Variants in DLG2 observed in about 807,000 individuals in gnomAD.
DLG2 encodes the protein discs large MAGUK scaffold protein 2.
Under a neutral mutation model 132.5 loss-of-function variants are expected in DLG2, and 45 were observed. The ratio of observed to expected loss-of-function variants is 0.34; its 90% confidence interval spans 0.27 to 0.44. DLG2 has a LOEUF of 0.44. DLG2 is among the 20% of genes least tolerant of loss of function. The pLI is 1.00. For synonymous variants in DLG2, 424 were observed against 419.6 expected, an observed-to-expected ratio of 1.01 and a Z score of -0.13; for missense variants, 1,045 against 1,196.9, an observed-to-expected ratio of 0.87 and a Z score of 1.87.
intron 19 of DLG2, among the ~76,000 whole-genome samples, chr11:83,594,708 G>A (rs1432635749): frequency 6.6e-6 from 1 of 152,112 alleles, no homozygotes; most frequent in Non-Finnish European, 1.5e-5. Flanking sequence ...GGTGGCTTTG[G>A]GTTGCTTCTA....
chr11:85,380,652 C>A (rs1411652941), intron 3 of DLG2, among the ~76,000 whole-genome samples: 1 of 152,148 alleles, frequency 6.6e-6, no homozygotes, highest in Non-Finnish European at 1.5e-5. Flanking sequence ...AAGAGTGAAA[C>A]TCCATCTCAA....
At chr11:84,859,018 G>T (rs755968720) in intron 6 of DLG2, among the ~76,000 whole-genome samples, 3 of 151,664 alleles carry the variant, frequency 2.0e-5, no homozygotes, top group African/African-American at 4.8e-5. Flanking sequence ...CTTTTTATAC[G>T]CTTCATCTTT....
At chr11:85,239,408 T>C (rs1018467904) in intron 4 of DLG2, among the ~76,000 whole-genome samples, 3 of 152,148 alleles carry the variant, frequency 2.0e-5, no homozygotes, top group Admixed American at 1.3e-4. Context: ...TTTATAGTAG[T>C]AAATGTTAAA....
intron 3 of DLG2, chr11:85,469,810 A>C (rs1348265525): frequency 6.6e-6 from 1 of 152,220 alleles, no homozygotes; most frequent in Non-Finnish European, 1.5e-5. Context: ...GTTGAAGGGA[A>C]TCAGTATTGA....
intron 3 of DLG2, among the ~76,000 whole-genome samples, chr11:85,465,360 T>C (rs968692828): frequency 2.0e-5 from 3 of 151,950 alleles, no homozygotes; most frequent in African/African-American, 7.3e-5. Flanking sequence ...AATGTGCACG[T>C]TTGTTACATA....
chr11:83,601,749 C>T lies in DLG2; in HGVS notation c.1940+31462G>A, dbSNP rs189968097. Among the ~76,000 whole-genome samples the T allele has an allele frequency of 2.6e-5, 4 of 151,868 alleles. No homozygotes were observed. In the East Asian group the frequency reaches 7.8e-4, roughly 29 times the overall value. Reference sequence around the variant, plus strand: ...TTCAGCCTGGGCTGATCTCGAACTCCTGGGCTCAAGTGATCTGCCGGCCTC... The same window carrying T: ...TTCAGCCTGGGCTGATCTCGAACTCTTGGGCTCAAGTGATCTGCCGGCCTC... On this transcript the variant is annotated intron_variant, in intron 19 of 27. Coordinates refer to ENST00000376104, the MANE Select transcript of DLG2 (RefSeq NM_001142699.3).
chr11:84,469,222 G>C (rs192704898), intron 7 of DLG2, among the ~76,000 whole-genome samples: 276 of 151,734 alleles, frequency 1.8e-3, no homozygotes, highest in Middle Eastern at 3.4e-3. Context: ...GCAAGGATTA[G>C]GAAGAGGAAT....
intron 7 of DLG2, among the ~76,000 whole-genome samples, chr11:84,311,248 T>A (rs1173079523): frequency 6.6e-6 from 1 of 152,188 alleles, no homozygotes; most frequent in African/African-American, 2.4e-5. Context: ...ACAATATGAA[T>A]GATGAATTTC....
intron 6 of DLG2, among the ~76,000 whole-genome samples, chr11:84,836,881 T>C (rs555134436): frequency 1.3e-5 from 2 of 151,922 alleles, no homozygotes; most frequent in Non-Finnish European, 2.9e-5. Context: ...TTATTACACT[T>C]TCAGTTTTAG....
chr11:85,011,568 G>A (rs990424414), intron 6 of DLG2, among the ~76,000 whole-genome samples: 2 of 152,188 alleles, frequency 1.3e-5, no homozygotes, highest in African/African-American at 4.8e-5. Context: ...TCGACTGACT[G>A]TATGACCTTA....
intron 7 of DLG2, among the ~76,000 whole-genome samples, chr11:84,350,184 C>CAA (rs398045349): frequency 3.2e-4 from 33 of 102,136 alleles, no homozygotes; most frequent in East Asian, 9.2e-4. Context: ...TCCCCCCCCC[C>CAA]AAAAAAAAAA....
chr11:84,280,674 A>G (rs550417792), intron 7 of DLG2, among the ~76,000 whole-genome samples: 1 of 148,114 alleles, frequency 6.8e-6, no homozygotes, highest in African/African-American at 2.5e-5. Flanking sequence ...GGGTTGAACC[A>G]TACATCTATA....
At chr11:84,205,703 C>T (rs921514953) in intron 8 of DLG2, among the ~76,000 whole-genome samples, 1 of 151,866 alleles carries the variant, frequency 6.6e-6, no homozygotes, top group Non-Finnish European at 1.5e-5. Flanking sequence ...TAAAGTGGTG[C>T]TAAGGAAATT....
At chr11:85,587,077 G>T (rs2079018347) in intron 3 of DLG2, among the ~76,000 whole-genome samples, 1 of 151,988 alleles carries the variant, frequency 6.6e-6, no homozygotes, top group East Asian at 1.9e-4. Flanking sequence ...ATATTATTTT[G>T]ATTTTCTTAA....
chr11:84,213,909 T>C lies in DLG2; in HGVS notation c.573+37329A>G, dbSNP rs182150710. ...AAAGTCTGAGAAACACTGTGGTTTT[T>C]GTTATTGCACTAGCTTGAATGGAGG... On this transcript the variant is annotated intron_variant, in intron 8 of 27. Transcript: ENST00000376104. 2.3e-3 allele frequency among the ~76,000 whole-genome samples: 356 copies of C among 151,500 alleles called. 1 individual carries two copies. Among genetic ancestry groups the C allele is most frequent in the African/African-American group, 8.0e-3 (333 of 41,458 alleles).
intron 18 of DLG2, chr11:83,692,135 T>A (rs1464371420): frequency 6.6e-6 from 1 of 152,222 alleles, no homozygotes; most frequent in African/African-American, 2.4e-5. Context: ...GCCTGTCATT[T>A]CAGTAAAGGA....
At chr11:84,260,271 T>C (rs1279777752) in intron 7 of DLG2, among the ~76,000 whole-genome samples, 35 of 152,134 alleles carry the variant, frequency 2.3e-4, no homozygotes, top group Admixed American at 2.0e-3. Flanking sequence ...ATGTGCCCCA[T>C]GCCAAACAGA....
chr11:84,154,074 T>A (rs1356324370), intron 9 of DLG2, among the ~76,000 whole-genome samples: 2 of 152,218 alleles, frequency 1.3e-5, no homozygotes, highest in Admixed American at 6.5e-5. Flanking sequence ...GTCAGCTCAC[T>A]GCAGCCTCTG....
At chr11:84,031,866 G>T (rs934968034) in intron 11 of DLG2, among the ~76,000 whole-genome samples, 4 of 152,014 alleles carry the variant, frequency 2.6e-5, no homozygotes, top group Middle Eastern at 3.2e-3. Flanking sequence ...ACTTCACGTC[G>T]TGTGTCACAT....
Sources: gnomAD v4.1 joint callset for allele counts (sites outside exome capture counted in the v4.1 genomes callset) on GRCh38, gnomAD v4.1.1 for gene constraint, MANE v1.5 for transcripts, NCBI Gene and HGNC (gene_info 2026-07-23, HGNC 2026-07-21) for gene names.